FAM13A: variants seen among roughly 807,000 people sequenced by gnomAD.
FAM13A encodes the protein protein FAM13A.
FAM13A carries 76 observed loss-of-function variants against 129.6 expected under a neutral mutation model. That is an observed-to-expected ratio of 0.59 (90% CI 0.49 to 0.71). The LOEUF (loss-of-function observed/expected upper bound fraction) is 0.71, where lower values mean the gene tolerates loss of function less well. Among genes scored for constraint, FAM13A ranks in the 30% least tolerant of loss-of-function variants. FAM13A has a pLI of 0.00. For synonymous variants in FAM13A, 443 were observed against 449.9 expected (o/e 0.98, Z 0.20); for missense variants, 1,108 against 1,249.3 (o/e 0.89, Z 1.70).
intron 1 of FAM13A, among the ~76,000 whole-genome samples, chr4:89,050,914 C>A (rs1460105994): frequency 6.6e-6 from 1 of 151,868 alleles, no homozygotes; most frequent in African/African-American, 2.4e-5. Context: ...GGCAACAGAG[C>A]AAGACTTCTA....
intron 4 of FAM13A, among the ~76,000 whole-genome samples, chr4:88,971,925 A>G (rs1760138939): frequency 6.6e-6 from 1 of 152,232 alleles, no homozygotes; most frequent in African/African-American, 2.4e-5. Flanking sequence ...TTAGAAGACC[A>G]GACTGCTGCC....
rs142797946 is a variant in FAM13A at position 88,758,683 on chromosome 4, A to G, written c.1726+71T>C. ...TTCACCCACACTCTCACATAGTTAC[A>G]TGCCTCTCATTTGTGCTTATTTATA... is the stretch of plus-strand genomic sequence containing the variant. On this transcript the variant is annotated intron_variant, in intron 14 of 23. Coordinates refer to ENST00000264344, the MANE Select transcript of FAM13A (RefSeq NM_014883.4). The G allele has an allele frequency of 3.4e-5, 50 of 1,450,282 alleles. No homozygotes were observed. The African/African-American group carries it at 5.2e-4, about 15-fold the overall frequency. The allele number at this position is 1,450,282 out of a possible 1,614,324, so 89.8% of individuals were successfully genotyped here. A position where few individuals can be genotyped will look rare whatever the true frequency, so the allele number is the denominator to read the frequency against.
At chr4:88,860,058 A>G (rs1241887404) in intron 6 of FAM13A, among the ~76,000 whole-genome samples, 1 of 152,220 alleles carries the variant, frequency 6.6e-6, no homozygotes, top group East Asian at 1.9e-4. Context: ...TATAAATCAT[A>G]TATTATAAAA....
At chr4:88,886,681 T>C (rs1283418950) in intron 6 of FAM13A, among the ~76,000 whole-genome samples, 1 of 150,334 alleles carries the variant, frequency 6.7e-6, no homozygotes, top group Non-Finnish European at 1.5e-5. Context: ...CTGAAGTGGG[T>C]GGATCACTTG....
At chr4:88,999,403 G>A (rs193082193) in intron 3 of FAM13A, among the ~76,000 whole-genome samples, 44 of 152,272 alleles carry the variant, frequency 2.9e-4, no homozygotes, top group African/African-American at 1.0e-3. Context: ...TTTATGTACC[G>A]AGGAGACTGG....
intron 4 of FAM13A, among the ~76,000 whole-genome samples, chr4:88,963,111 T>C (rs928971603): frequency 1.3e-5 from 2 of 152,188 alleles, no homozygotes; most frequent in Non-Finnish European, 2.9e-5. Flanking sequence ...ATCATTTTTA[T>C]GAAACTAATG....
rs368586718 is a variant in FAM13A at position 88,906,388 on chromosome 4, T to G, written c.834A>C (p.Pro278=). ...GLERDMPKPP[P]KTKIPKSRSE... ...AGAAAACATAGTTTACCTTGGTTTT[T>G]GGAGGTGGTTTTGGCATGTCTCTTT... The change falls in exon 6 of 24, where the codon CCA becomes CCC. Residue 278 remains proline, a synonymous_variant. Coordinates refer to ENST00000264344, the MANE Select transcript of FAM13A (RefSeq NM_014883.4). 5.1e-5 allele frequency: 82 copies of G among 1,609,800 alleles called. No individual in the cohort carries two copies. The highest frequency in any genetic ancestry group is 3.3e-4 in the Middle Eastern group (2 of 6,070).
intron 1 of FAM13A, among the ~76,000 whole-genome samples, chr4:89,037,076 G>A (rs1341062338): frequency 1.3e-5 from 2 of 152,344 alleles, no homozygotes; most frequent in East Asian, 3.9e-4. Flanking sequence ...TCCCCACTGG[G>A]ACACTGCCTA....
chr4:88,951,585 CATT>C (rs1756962758), intron 4 of FAM13A, among the ~76,000 whole-genome samples: 1 of 152,012 alleles, frequency 6.6e-6, no homozygotes, highest in Non-Finnish European at 1.5e-5. Flanking sequence ...TTTTATTTTT[CATT>C]ATTTTCTCCC....
In FAM13A at chr4:88,854,323, C is replaced by T. The variant is rs532067973; in HGVS notation, c.844-3140G>A. Among the ~76,000 whole-genome samples the T allele has an allele frequency of 2.6e-5, 4 of 152,322 alleles. No homozygotes were observed. In the South Asian group the frequency reaches 6.2e-4, roughly 24 times the overall value. On this transcript the variant is annotated intron_variant, in intron 6 of 23. Transcript: ENST00000264344. ...CTCCATGAGGCTCAGGCAAGCCCTG[C>T]TAGTCAGGGACTCCAAATCGCGCCA...
chr4:88,821,213 G>T (rs1171535881), intron 7 of FAM13A, among the ~76,000 whole-genome samples: 1 of 152,194 alleles, frequency 6.6e-6, no homozygotes, highest in African/African-American at 2.4e-5. Flanking sequence ...TTACCTTCAG[G>T]AGGTTTATAA....
In FAM13A at chr4:88,868,619, A is replaced by G. The variant is rs80079785; in HGVS notation, c.844-17436T>C. Reference sequence around the variant, plus strand: ...TCTTTGGTCTCACATTAATGGCCCCAGACTATTTCCGCAGGTTCATTGCCT... The same window carrying G: ...TCTTTGGTCTCACATTAATGGCCCCGGACTATTTCCGCAGGTTCATTGCCT... On this transcript the variant is annotated intron_variant, in intron 6 of 23. Coordinates refer to ENST00000264344, the MANE Select transcript of FAM13A (RefSeq NM_014883.4). Among the ~76,000 whole-genome samples, 3 of 152,154 alleles carry G rather than the reference A, an allele frequency of 2.0e-5. No homozygotes were observed. The East Asian group carries it at 5.8e-4, about 29-fold the overall frequency.
intron 3 of FAM13A, among the ~76,000 whole-genome samples, chr4:88,995,972 T>A (rs1224647684): frequency 6.6e-6 from 1 of 152,144 alleles, no homozygotes; most frequent in Non-Finnish European, 1.5e-5. Context: ...GTACAAGATG[T>A]TATTTCACTC....
chr4:88,780,708 T>C (rs1722674286), intron 11 of FAM13A, among the ~76,000 whole-genome samples: 1 of 152,146 alleles, frequency 6.6e-6, no homozygotes, highest in Non-Finnish European at 1.5e-5. Context: ...AGAGTACAGA[T>C]TTGAAACAAA....
intron 5 of FAM13A, among the ~76,000 whole-genome samples, chr4:88,913,767 A>C (rs543495991): frequency 2.6e-5 from 4 of 152,156 alleles, no homozygotes; most frequent in Admixed American, 2.6e-4. Context: ...ATTCACCTTC[A>C]TGGCTTTTAA....
chr4:88,857,859 T>C (rs1039270592), intron 6 of FAM13A, among the ~76,000 whole-genome samples: 3 of 152,150 alleles, frequency 2.0e-5, no homozygotes, highest in African/African-American at 7.2e-5. Flanking sequence ...TAGCAAACAG[T>C]AGGTGACCAC....
chr4:88,914,779 A>G (rs1185330784), intron 5 of FAM13A, among the ~76,000 whole-genome samples: 3 of 152,212 alleles, frequency 2.0e-5, no homozygotes, highest in Non-Finnish European at 4.4e-5. Flanking sequence ...TCTAGTATTC[A>G]GTGTATAGTT....
chr4:88,762,991 G>A (rs1358477149), intron 13 of FAM13A, among the ~76,000 whole-genome samples: 2 of 152,082 alleles, frequency 1.3e-5, no homozygotes, highest in Non-Finnish European at 2.9e-5. Context: ...CCAAATATCT[G>A]TGTATTGAAA....
chr4:88,832,942 C>A (rs1734148359), intron 7 of FAM13A, among the ~76,000 whole-genome samples: 1 of 152,112 alleles, frequency 6.6e-6, no homozygotes, highest in African/African-American at 2.4e-5. Context: ...ATGTTCACCA[C>A]AGCACTATTC....
Sources: gnomAD v4.1 joint callset for allele counts (sites outside exome capture counted in the v4.1 genomes callset) on GRCh38, gnomAD v4.1.1 for gene constraint, MANE v1.5 for transcripts, NCBI Gene and HGNC (gene_info 2026-07-23, HGNC 2026-07-21) for gene names.